The following ANKS1B variants were observed in gnomAD, a reference collection of about 807,000 sequenced individuals.
The protein encoded by ANKS1B is ankyrin repeat and sterile alpha motif domain containing 1B, also known as ankyrin repeat and sterile alpha motif domain-containing protein 1B.
A neutral mutation model predicts 148.3 loss-of-function variants in ANKS1B; 36 were observed. The ratio of observed to expected loss-of-function variants is 0.24; its 90% CI spans 0.19 to 0.32. The LOEUF is 0.32. Ranked by LOEUF, ANKS1B falls within the 10% of genes least tolerant of loss-of-function variation. ANKS1B has a pLI of 1.00. For synonymous variants in ANKS1B, 542 were observed against 560.8 expected (o/e 0.97, Z 0.47); for missense variants, 1,157 against 1,542.6 (o/e 0.75, Z 4.19).
In ANKS1B at chr12:98,751,643, G is replaced by T; in HGVS notation, c.3580-121C>A. 1 of 912,926 alleles carries T rather than the reference G, an allele frequency of 1.1e-6. No individual in the cohort carries two copies. The highest frequency in any genetic ancestry group is 1.7e-6 in the Non-Finnish European group (1 of 581,908). The allele number at this position is 912,926 out of a possible 1,614,324, so 56.6% of individuals were successfully genotyped here. ...AACTTGAACTACTTCACCAGAGGCA[G>T]CAGCGATTCGGTGGAAATCTACAAA... On this transcript the variant is annotated intron_variant, in intron 25 of 26. Transcript: ENST00000683438. This position sits in a 1 kb window ranked among gnomAD's most constrained non-coding sequence, Gnocchi z 4.3.
In ANKS1B at chr12:99,629,236, T is replaced by G. The variant is rs559541426; in HGVS notation, c.1272+25831A>C. ...TCAGCAAGTATTTATTAAGAGCTTA[T>G]AAGGGCAGGTGGCTGGTAGGTAGCT... On this transcript the variant is annotated intron_variant, in intron 9 of 26. Transcript: ENST00000683438. Among the ~76,000 whole-genome samples, 363 of 152,316 alleles carry G rather than the reference T, an allele frequency of 2.4e-3. 2 individuals are homozygous for G. Among genetic ancestry groups the G allele is most frequent in the Admixed American group, 4.8e-3 (74 of 15,296 alleles).
chr12:99,628,223 T>G (rs1011354922), intron 9 of ANKS1B, among the ~76,000 whole-genome samples: 2 of 152,156 alleles, frequency 1.3e-5, no homozygotes, highest in Non-Finnish European at 2.9e-5. Flanking sequence ...AAATACATCA[T>G]TATAATCTTA....
chr12:99,620,880 A>G (rs901838881), intron 9 of ANKS1B, among the ~76,000 whole-genome samples: 4 of 152,188 alleles, frequency 2.6e-5, no homozygotes, highest in African/African-American at 9.7e-5. Context: ...CTAGAGAGGT[A>G]GACATCTGGA....
chr12:99,512,401 C>T (rs898709418), intron 9 of ANKS1B, among the ~76,000 whole-genome samples: 4 of 151,898 alleles, frequency 2.6e-5, no homozygotes, highest in African/African-American at 9.7e-5. Flanking sequence ...CAAGAAACAA[C>T]AGATGCTGGC....
At chr12:99,981,129 T>C (rs1026261916) in intron 1 of ANKS1B, among the ~76,000 whole-genome samples, 1 of 152,030 alleles carries the variant, frequency 6.6e-6, no homozygotes, top group Non-Finnish European at 1.5e-5. Context: ...TAGAGGTGCA[T>C]GAAAAATATT....
At chr12:99,454,165 T>C (rs527476541) in intron 10 of ANKS1B, among the ~76,000 whole-genome samples, 2 of 152,288 alleles carry the variant, frequency 1.3e-5, no homozygotes, top group South Asian at 2.1e-4. Context: ...GTTGGCAAGA[T>C]AAAGTATTCA....
chr12:98,790,338 G>A (rs2098837078), intron 22 of ANKS1B, among the ~76,000 whole-genome samples: 1 of 152,112 alleles, frequency 6.6e-6, no homozygotes, highest in South Asian at 2.1e-4. Flanking sequence ...GCGTGGTTAG[G>A]TACTCAACCT....
intron 17 of ANKS1B, among the ~76,000 whole-genome samples, chr12:98,843,804 C>T (rs2099427456): frequency 6.6e-6 from 1 of 152,140 alleles, no homozygotes; most frequent in South Asian, 2.1e-4. Context: ...TAAGTAAGCT[C>T]CCTGATTACT....
chr12:99,115,932 C>CAA (rs60585792), intron 15 of ANKS1B, among the ~76,000 whole-genome samples: 918 of 64,478 alleles, frequency 0.014, 16 homozygotes, highest in African/African-American at 0.039. Context: ...GACTCCGTCT[C>CAA]AAAAAAAAAA....
chr12:99,003,585 T>C (rs2099934275), intron 17 of ANKS1B, among the ~76,000 whole-genome samples: 1 of 152,210 alleles, frequency 6.6e-6, no homozygotes, highest in Non-Finnish European at 1.5e-5. Flanking sequence ...AAGTTTGATA[T>C]TCTATCTTTT....
chr12:99,777,626 T>G (rs2063785630), intron 6 of ANKS1B, among the ~76,000 whole-genome samples: 1 of 152,024 alleles, frequency 6.6e-6, no homozygotes, highest in African/African-American at 2.4e-5. Flanking sequence ...GCTCTGTTGC[T>G]CAGGCTGGAG....
intron 22 of ANKS1B, among the ~76,000 whole-genome samples, chr12:98,796,718 A>G (rs563614323): frequency 6.6e-6 from 1 of 152,334 alleles, no homozygotes; most frequent in South Asian, 2.1e-4. Flanking sequence ...TTTCATGTAA[A>G]CTACATAAGC....
chr12:98,859,441 A>G (rs979288901), intron 17 of ANKS1B, among the ~76,000 whole-genome samples: 1 of 152,176 alleles, frequency 6.6e-6, no homozygotes, highest in African/African-American at 2.4e-5. Context: ...CAGTGCGGGG[A>G]GATTAAAGGA....
At chr12:99,882,951 C>CTCA (rs1285879617) in intron 1 of ANKS1B, among the ~76,000 whole-genome samples, 1 of 152,154 alleles carries the variant, frequency 6.6e-6, no homozygotes, top group Non-Finnish European at 1.5e-5. Context: ...TAAAGACATT[C>CTCA]TTACATGAAG....
Position 98,745,763 on chromosome 12 carries a change from G to T in ANKS1B, c.3834C>A (p.Thr1278=), listed in dbSNP as rs1252222512. Residue 1278 remains threonine, a synonymous_variant, in exon 27 of 27, where the codon ACC becomes ACA. Coordinates refer to ENST00000683438, the MANE Select transcript of ANKS1B (RefSeq NM_001352186.2). ...PGQEAKRGIN[T]KYETTIF The stretch of plus-strand genomic sequence containing the variant: ...ATCAGAAAATCGTGGTTTCATACTT[G>T]GTATTAATGCCCCTCTTGGCTTCTT... The T allele has an allele frequency of 6.2e-7, 1 of 1,613,684 alleles. No individual in the cohort carries two copies. The highest frequency in any genetic ancestry group is 2.2e-5 in the East Asian group (1 of 44,844).
intron 12 of ANKS1B, among the ~76,000 whole-genome samples, chr12:99,304,453 T>G (rs1363584878): frequency 1.3e-5 from 2 of 152,144 alleles, no homozygotes; most frequent in Non-Finnish European, 2.9e-5. Context: ...GTGCTGATTC[T>G]TGGCTTTCCT....
chr12:98,735,750 G>GA, intron 9 of ANKS1B: 1 of 503,390 alleles, frequency 2.0e-6, no homozygotes, highest in South Asian at 3.2e-5. Flanking sequence ...ACACAGGAGT[G>GA]AGCAAAACAA....
intron 17 of ANKS1B, among the ~76,000 whole-genome samples, chr12:98,885,946 C>T (rs951055841): frequency 6.6e-6 from 1 of 151,428 alleles, no homozygotes; most frequent in Middle Eastern, 3.2e-3. Context: ...TGCCCAGGCA[C>T]CAGCAAGATG....
At chr12:99,965,781 G>A (rs1002499130) in intron 1 of ANKS1B, among the ~76,000 whole-genome samples, 7 of 152,054 alleles carry the variant, frequency 4.6e-5, no homozygotes, top group Admixed American at 2.0e-4. Flanking sequence ...AAAATTAGGC[G>A]CATATTTGTA....
Sources: gnomAD v4.1 joint callset for allele counts (sites outside exome capture counted in the v4.1 genomes callset) on GRCh38, gnomAD v4.1.1 for gene constraint, Gnocchi (gnomAD v3.1) non-coding constraint, MANE v1.5 for transcripts, NCBI Gene and HGNC (gene_info 2026-07-23, HGNC 2026-07-21) for gene names.